SNX8: variants seen among roughly 807,000 people sequenced by gnomAD.
The protein encoded by SNX8 is sorting nexin 8.
SNX8 carries 25 observed loss-of-function variants against 51.6 expected under a neutral mutation model. The ratio of observed to expected loss-of-function variants is 0.48; its 90% CI spans 0.35 to 0.68. The LOEUF (loss-of-function observed/expected upper bound fraction) is 0.68. Among genes scored for constraint, SNX8 ranks in the 30% least tolerant of loss-of-function variants. The pLI, the probability that SNX8 is intolerant of heterozygous loss-of-function variation, is 0.00. For missense variants in SNX8, 695 were observed against 624.0 expected (o/e 1.11, Z -1.21); for synonymous variants, 324 against 277.0 (o/e 1.17, Z -1.68).
intron 1 of SNX8, among the ~76,000 whole-genome samples, chr7:2,292,926 G>A (rs1562442516): frequency 6.6e-6 from 1 of 152,010 alleles, no homozygotes; most frequent in Non-Finnish European, 1.5e-5. Context: ...AAGAAGCCAA[G>A]GTGGCAGAAT....
At chr7:2,351,612 C>A (rs886082852) in intron 1 of SNX8, among the ~76,000 whole-genome samples, 6 of 151,574 alleles carry the variant, frequency 4.0e-5, no homozygotes, top group African/African-American at 1.2e-4. Flanking sequence ...GCGGGCGGAT[C>A]ACGAGGTCAG....
At chr7:2,308,056 T>C (rs996985132) in intron 1 of SNX8, 1 of 152,126 alleles carries the variant, frequency 6.6e-6, no homozygotes, top group African/African-American at 2.4e-5. Flanking sequence ...TGCGTGTGTG[T>C]GTGTGTGAGA....
At chr7:2,343,368 G>A (rs1189068301) in intron 1 of SNX8, among the ~76,000 whole-genome samples, 1 of 152,030 alleles carries the variant, frequency 6.6e-6, no homozygotes, top group Non-Finnish European at 1.5e-5. Flanking sequence ...AAGACTAGAA[G>A]CCTGAACTTA....
intron 1 of SNX8, among the ~76,000 whole-genome samples, chr7:2,281,532 G>A (rs1216333033): frequency 1.3e-5 from 2 of 152,068 alleles, no homozygotes; most frequent in East Asian, 3.9e-4. Flanking sequence ...CCGGCTTTCT[G>A]CAGGAATAAA....
intron 1 of SNX8, among the ~76,000 whole-genome samples, chr7:2,326,883 A>C (rs1211809299): frequency 6.6e-6 from 1 of 152,144 alleles, no homozygotes; most frequent in Non-Finnish European, 1.5e-5. Context: ...AGGCAGGCAG[A>C]TCACTTGAGC....
chr7:2,331,360 T>C (rs957169410), intron 1 of SNX8, among the ~76,000 whole-genome samples: 1 of 151,864 alleles, frequency 6.6e-6, no homozygotes, highest in African/African-American at 2.4e-5. Flanking sequence ...ATTATATTTC[T>C]ATATACTAGC....
At chr7:2,301,515 A>AG (rs1226114137) in intron 1 of SNX8, among the ~76,000 whole-genome samples, 1 of 152,186 alleles carries the variant, frequency 6.6e-6, no homozygotes, top group Non-Finnish European at 1.5e-5. Flanking sequence ...CCCCCTTACC[A>AG]GGGCACCCAG....
At chr7:2,349,686 C>T (rs1779102800) in intron 1 of SNX8, among the ~76,000 whole-genome samples, 1 of 152,092 alleles carries the variant, frequency 6.6e-6, no homozygotes, top group Admixed American at 6.6e-5. Flanking sequence ...ATCTGCCCAC[C>T]TCAGCTCCCA....
chr7:2,318,973 A>T (rs1405674438), upstream of SNX8, among the ~76,000 whole-genome samples: 1 of 152,112 alleles, frequency 6.6e-6, no homozygotes, highest in Non-Finnish European at 1.5e-5. Context: ...GCATCACTGC[A>T]CTCCAGCCTG....
At chr7:2,278,343 G>A (rs1795832735) in intron 1 of SNX8, 38 bp from the exon 2 acceptor site, 6 of 1,314,120 alleles carry the variant, frequency 4.6e-6, no homozygotes, top group Non-Finnish European at 6.3e-6. Flanking sequence ...GAGAATAGCT[G>A]CTCAAAAGCT....
At chr7:2,289,079 G>T (rs185307512) in intron 1 of SNX8, among the ~76,000 whole-genome samples, 1 of 152,126 alleles carries the variant, frequency 6.6e-6, no homozygotes, top group South Asian at 2.1e-4. Flanking sequence ...CAGTTCCTTT[G>T]TTCCTGACGT....
intron 3 of SNX8, among the ~76,000 whole-genome samples, chr7:2,272,289 A>G (rs1489749066): frequency 6.6e-6 from 1 of 152,078 alleles, no homozygotes; most frequent in African/African-American, 2.4e-5. Flanking sequence ...CGTTAAAGAC[A>G]TCTTCCATAA....
chr7:2,335,009 A>G (rs1247706904), intron 1 of SNX8, among the ~76,000 whole-genome samples: 1 of 151,894 alleles, frequency 6.6e-6, no homozygotes, highest in East Asian at 1.9e-4. Context: ...CAGCCTGTCC[A>G]ATGTGGTGAA....
At chr7:2,342,924 A>C (rs1269266521) in intron 1 of SNX8, among the ~76,000 whole-genome samples, 1 of 151,764 alleles carries the variant, frequency 6.6e-6, no homozygotes, top group Non-Finnish European at 1.5e-5. Context: ...CCGCGTTCAC[A>C]CAATTCTCCT....
intron 1 of SNX8, among the ~76,000 whole-genome samples, chr7:2,323,474 C>T (rs1583112452): frequency 6.6e-6 from 1 of 151,962 alleles, no homozygotes; most frequent in Non-Finnish European, 1.5e-5. Context: ...ATCTCAAATC[C>T]CAGAGGCTTA....
chr7:2,351,261 A>G (rs1416480921), intron 1 of SNX8, among the ~76,000 whole-genome samples: 9 of 152,184 alleles, frequency 5.9e-5, no homozygotes, highest in Non-Finnish European at 1.2e-4. Flanking sequence ...AGAGGCTCAG[A>G]AATAGACCAG....
At chr7:2,346,869 G>A (rs564263278) in intron 1 of SNX8, among the ~76,000 whole-genome samples, 6 of 141,022 alleles carry the variant, frequency 4.3e-5, no homozygotes, top group South Asian at 4.6e-4. Context: ...GCAGTGAGCC[G>A]AGATCACACC....
chr7:2,278,426 T>G, intron 1 of SNX8, 121 bp from the exon 2 acceptor site: 1 of 621,038 alleles, frequency 1.6e-6, no homozygotes, highest in South Asian at 2.1e-5. Context: ...GGAGTATCAC[T>G]TGAGCCCTGG....
intron 1 of SNX8, among the ~76,000 whole-genome samples, chr7:2,298,163 C>G (rs977615774): frequency 2.0e-5 from 3 of 151,956 alleles, no homozygotes; most frequent in Non-Finnish European, 4.4e-5. Flanking sequence ...GGCTGGAGTA[C>G]AGTAGTGCGA....
Sources: gnomAD v4.1 joint callset for allele counts (sites outside exome capture counted in the v4.1 genomes callset) on GRCh38, gnomAD v4.1.1 for gene constraint, MANE v1.5 for transcripts, NCBI Gene and HGNC (gene_info 2026-07-23, HGNC 2026-07-21) for gene names.